VWA3B: variants seen among roughly 807,000 people sequenced by gnomAD.
The protein encoded by VWA3B is von Willebrand factor A domain containing 3B, also known as von Willebrand factor A domain-containing protein 3B.
A neutral mutation model predicts 158.3 loss-of-function variants in VWA3B; 138 were observed. That is an observed-to-expected ratio of 0.87 (90% CI 0.76 to 1.00). The LOEUF (loss-of-function observed/expected upper bound fraction) is 1.00, where lower values mean the gene tolerates loss of function less well. VWA3B is among the 50% of genes least tolerant of loss of function. The probability of loss-of-function intolerance (pLI) is 0.00; values close to 1 mark genes in which losing one functional copy is unlikely to be tolerated. For missense variants in VWA3B, 1,555 were observed against 1,565.1 expected, an observed-to-expected ratio of 0.99 and a Z score of 0.11; for synonymous variants, 596 against 587.3, an observed-to-expected ratio of 1.01 and a Z score of -0.21.
intron 2 of VWA3B, among the ~76,000 whole-genome samples, chr2:98,110,358 C>A (rs542043819): frequency 7.2e-4 from 110 of 151,730 alleles, no homozygotes; most frequent in Non-Finnish European, 1.4e-3. Context: ...CCATTTTATT[C>A]TTCTTTATAT....
At chr2:98,154,737 C>T (rs1677917601) in intron 7 of VWA3B, among the ~76,000 whole-genome samples, 1 of 152,200 alleles carries the variant, frequency 6.6e-6, no homozygotes, top group Admixed American at 6.5e-5. Context: ...GAGAGAAACC[C>T]TCAAAACTCT....
intron 7 of VWA3B, among the ~76,000 whole-genome samples, chr2:98,137,638 A>G (rs1056883694): frequency 9.9e-5 from 15 of 152,150 alleles, no homozygotes; most frequent in Non-Finnish European, 1.9e-4. Context: ...TATTAAGTTT[A>G]AAGATATTGA....
At chr2:98,249,066 C>T (rs1686626396) in intron 19 of VWA3B, among the ~76,000 whole-genome samples, 1 of 152,056 alleles carries the variant, frequency 6.6e-6, no homozygotes, top group African/African-American at 2.4e-5. Flanking sequence ...AAAATAATTT[C>T]CCACATTTCT....
chr2:98,257,401 A>G (rs1378490428), intron 21 of VWA3B, among the ~76,000 whole-genome samples: 1 of 151,892 alleles, frequency 6.6e-6, no homozygotes, highest in Non-Finnish European at 1.5e-5. Flanking sequence ...GTTTGATTCC[A>G]TATCTTGCTG....
intron 7 of VWA3B, among the ~76,000 whole-genome samples, chr2:98,141,333 G>A (rs1676765515): frequency 6.6e-6 from 1 of 152,214 alleles, no homozygotes; most frequent in Admixed American, 6.5e-5. Context: ...GGCTGTGCAA[G>A]CAGGGCACCA....
chr2:98,189,540 AAAAT>A (rs1558654135), intron 10 of VWA3B, among the ~76,000 whole-genome samples: 1 of 152,200 alleles, frequency 6.6e-6, no homozygotes, highest in Non-Finnish European at 1.5e-5. Flanking sequence ...TTGGAAAAAA[AAAAT>A]ATGGTTTTGT....
intron 7 of VWA3B, among the ~76,000 whole-genome samples, chr2:98,161,009 C>T (rs974406588): frequency 1.3e-5 from 2 of 152,206 alleles, no homozygotes; most frequent in Admixed American, 1.3e-4. Flanking sequence ...CTGGTCTGCC[C>T]TAGTCTGCCT....
intron 23 of VWA3B, among the ~76,000 whole-genome samples, chr2:98,292,771 C>T (rs1232005922): frequency 6.6e-6 from 1 of 152,008 alleles, no homozygotes; most frequent in African/African-American, 2.4e-5. Flanking sequence ...TTGAGACCAG[C>T]CTGACCAACA....
At chr2:98,217,453 C>G (rs1251814704) in intron 13 of VWA3B, among the ~76,000 whole-genome samples, 1 of 152,192 alleles carries the variant, frequency 6.6e-6, no homozygotes, top group African/African-American at 2.4e-5. Flanking sequence ...ACATCTCTTC[C>G]TTCACTCTCT....
chr2:98,237,230 T>A (rs1161583421), intron 19 of VWA3B, among the ~76,000 whole-genome samples: 1 of 152,184 alleles, frequency 6.6e-6, no homozygotes, highest in Non-Finnish European at 1.5e-5. Flanking sequence ...TGATCTTGGT[T>A]GGGTTGGCAC....
At chr2:98,314,101 C>T (rs182063152), downstream of VWA3B, among the ~76,000 whole-genome samples, 19 of 152,310 alleles carry the variant, frequency 1.2e-4, 2 homozygotes, top group African/African-American at 4.3e-4. Context: ...ATTTCCCAGT[C>T]GCTTCCTGGA....
At chr2:98,257,942 A>G (rs915793351) in intron 21 of VWA3B, among the ~76,000 whole-genome samples, 3 of 151,914 alleles carry the variant, frequency 2.0e-5, no homozygotes, top group African/African-American at 7.3e-5. Context: ...ATACAAAATC[A>G]TGAGCATTTA....
intron 8 of VWA3B, among the ~76,000 whole-genome samples, chr2:98,176,680 T>A (rs942574471): frequency 6.6e-6 from 1 of 152,210 alleles, no homozygotes; most frequent in Non-Finnish European, 1.5e-5. Flanking sequence ...AAATGTTCTA[T>A]GCAGAAAGAC....
intron 10 of VWA3B, 76 bp from the exon 11 acceptor site, chr2:98,192,822 A>T: frequency 6.3e-7 from 1 of 1,596,434 alleles, no homozygotes; most frequent in Non-Finnish European, 8.6e-7. Context: ...CTGCAGATGC[A>T]TCGTTAAGTT....
rs1451414905 is a variant in VWA3B at position 98,125,551 on chromosome 2, A to G, written c.703-2688A>G. Reference sequence around the variant, plus strand: ...TGTATTGAGTGAGATAATTCATTTTAGTTTATCATCCCAAATAGCCAACAG... The same window carrying G: ...TGTATTGAGTGAGATAATTCATTTTGGTTTATCATCCCAAATAGCCAACAG... On this transcript the variant is annotated intron_variant, in intron 5 of 27. Transcript: ENST00000477737. This position sits in a 1 kb window ranked among gnomAD's most constrained non-coding sequence, Gnocchi z 4.1. Among the ~76,000 whole-genome samples, 3 of 152,234 alleles carry G rather than the reference A, an allele frequency of 2.0e-5. No individual in the cohort carries two copies. Among genetic ancestry groups the G allele is most frequent in the Non-Finnish European group, 2.9e-5 (2 of 68,038 alleles).
At chr2:98,229,751 G>A (rs950161093) in intron 15 of VWA3B, among the ~76,000 whole-genome samples, 1 of 152,160 alleles carries the variant, frequency 6.6e-6, no homozygotes, top group African/African-American at 2.4e-5. Flanking sequence ...TGCAGTTGAT[G>A]GATGAGGAAA....
At chr2:98,131,373 C>T (rs1247515085) in intron 6 of VWA3B, among the ~76,000 whole-genome samples, 2 of 152,134 alleles carry the variant, frequency 1.3e-5, no homozygotes, top group South Asian at 2.1e-4. Context: ...AGGTTGATTC[C>T]GTATCTTGGC....
chr2:98,226,246 T>G (rs1684906995), intron 14 of VWA3B, among the ~76,000 whole-genome samples: 1 of 152,182 alleles, frequency 6.6e-6, no homozygotes, highest in Non-Finnish European at 1.5e-5. Flanking sequence ...CGTAGACCAA[T>G]GGAACAGTTA....
chr2:98,129,345 A>C (rs1383918700), intron 6 of VWA3B, among the ~76,000 whole-genome samples: 1 of 151,078 alleles, frequency 6.6e-6, no homozygotes, highest in Non-Finnish European at 1.5e-5. Context: ...GAGCAGAGAG[A>C]CGGAGAAAGA....
Sources: gnomAD v4.1 joint callset for allele counts (sites outside exome capture counted in the v4.1 genomes callset) on GRCh38, gnomAD v4.1.1 for gene constraint, Gnocchi (gnomAD v3.1) non-coding constraint, MANE v1.5 for transcripts, NCBI Gene and HGNC (gene_info 2026-07-23, HGNC 2026-07-21) for gene names.